ALDH1L2: variants seen among roughly 807,000 people sequenced by gnomAD.
ALDH1L2 encodes aldehyde dehydrogenase 1 family member L2.
Under a neutral mutation model 111.0 loss-of-function variants are expected in ALDH1L2, and 91 were observed. The ratio of observed to expected loss-of-function variants is 0.82; its 90% CI spans 0.69 to 0.98. The LOEUF is 0.98. Among genes scored for constraint, ALDH1L2 ranks in the 50% least tolerant of loss-of-function variants. ALDH1L2 has a pLI of 0.00. For synonymous variants in ALDH1L2, 374 were observed against 392.6 expected (o/e 0.95, Z 0.56); for missense variants, 995 against 1,126.8 (o/e 0.88, Z 1.67).
chr12:105,046,211 ATATATATATATTTTTTT>A (rs1875877795), intron 15 of ALDH1L2, among the ~76,000 whole-genome samples: 2 of 50,862 alleles, frequency 3.9e-5, no homozygotes, highest in East Asian at 1.1e-3. Flanking sequence ...ATATATATAT[ATATATATATATTTTTTT>A]TTTTTTTTTT....
intron 1 of ALDH1L2, among the ~76,000 whole-genome samples, chr12:105,083,686 C>T (rs1878440224): frequency 1.3e-5 from 2 of 152,024 alleles, no homozygotes; most frequent in Middle Eastern, 3.2e-3. Flanking sequence ...CTGAAGGCAG[C>T]ACCGCAGTGC....
chr12:105,065,238 G>C (rs1269600787), intron 6 of ALDH1L2, 29 bp downstream of exon 6: 1 of 1,197,076 alleles, frequency 8.4e-7, no homozygotes, highest in Admixed American at 2.1e-5. Flanking sequence ...TCGGGGAGGG[G>C]GGTGGGGGGA....
chr12:105,028,840 A>C (rs971796239), intron 21 of ALDH1L2, among the ~76,000 whole-genome samples: 1 of 152,200 alleles, frequency 6.6e-6, no homozygotes, highest in South Asian at 2.1e-4. Context: ...AGAATGACCT[A>C]AGGAGGTACA....
At chr12:105,068,133 A>G (rs1467740868) in intron 4 of ALDH1L2, among the ~76,000 whole-genome samples, 1 of 152,168 alleles carries the variant, frequency 6.6e-6, no homozygotes, top group Non-Finnish European at 1.5e-5. Flanking sequence ...AATGGCTACT[A>G]CTGTATATAA....
At chr12:105,084,073 GTCC>G (rs1878463982) in intron 1 of ALDH1L2, among the ~76,000 whole-genome samples, 1 of 152,088 alleles carries the variant, frequency 6.6e-6, no homozygotes, top group Non-Finnish European at 1.5e-5. Flanking sequence ...AGCAGACTCT[GTCC>G]TCCTTACCAA....
chr12:105,062,594 G>T (rs1027803531), intron 7 of ALDH1L2, among the ~76,000 whole-genome samples: 1 of 152,194 alleles, frequency 6.6e-6, no homozygotes, highest in African/African-American at 2.4e-5. Context: ...TCTCCTCTCT[G>T]TTATAAAGAT....
chr12:105,066,606 C>A lies in ALDH1L2; in HGVS notation c.658G>T (p.Ala220Ser), dbSNP rs749632765. Residue 220 changes from alanine (A) to serine (S), a missense_variant, in exon 5 of 23, where the codon GCA becomes TCA. Physicochemically the swap from Ala to Ser is moderately conservative, Grantham distance 99. Transcript: ENST00000258494. ...TTTTTCTGGATACCTTCATATGTTGCCCCTTCTTCTGGCTGGGGTATACGA... is the reference window on the plus strand; with the variant it reads ...TTTTTCTGGATACCTTCATATGTTGACCCTTCTTCTGGCTGGGGTATACGA... ...APRIPQPEEG[A>S]TYEGIQKKEN... The A allele has an allele frequency of 1.9e-6, 3 of 1,614,098 alleles. No individual in the cohort carries two copies. In the South Asian group the frequency reaches 3.3e-5, roughly 18 times the overall value.
chr12:105,073,337 C>T (rs1276510341), intron 2 of ALDH1L2, among the ~76,000 whole-genome samples: 3 of 152,202 alleles, frequency 2.0e-5, no homozygotes, highest in Non-Finnish European at 4.4e-5. Flanking sequence ...CATATAGTTA[C>T]TCTATAAGTG....
At chr12:105,083,661 G>A (rs1878436944) in intron 1 of ALDH1L2, among the ~76,000 whole-genome samples, 1 of 150,510 alleles carries the variant, frequency 6.6e-6, no homozygotes, top group South Asian at 2.1e-4. Context: ...AAACAGTCCC[G>A]AGGCCCCCTG....
At chr12:105,046,210 TATATATATATA>T (rs1364526463) in intron 15 of ALDH1L2, among the ~76,000 whole-genome samples, 80 of 69,332 alleles carry the variant, frequency 1.2e-3, no homozygotes, top group East Asian at 7.3e-3. Context: ...TATATATATA[TATATATATATA>T]TTTTTTTTTT....
In ALDH1L2 at chr12:105,019,892, A is replaced by G. The variant is rs1198759453; in HGVS notation, c.*4532T>C. The G allele has an allele frequency of 6.6e-6, 1 of 152,240 alleles. No homozygotes were observed. The highest frequency in any genetic ancestry group is 2.4e-5 in the African/African-American group (1 of 41,466). The allele number at this position is 152,240 out of a possible 1,614,324, so 9.4% of individuals were successfully genotyped here. On this transcript the variant is annotated 3_prime_UTR_variant, in exon 23 of 23. Coordinates refer to ENST00000258494, the MANE Select transcript of ALDH1L2 (RefSeq NM_001034173.4). ...AGTATTATGTTAATTATGTAAAAAA[A>G]GTATACATATTCATAGAAAAAGTTT...
In ALDH1L2 at chr12:105,046,825, A is replaced by T. The variant is rs1327867128; in HGVS notation, c.1758-10T>A. 6.2e-7 allele frequency: 1 copy of T among 1,613,606 alleles called. No homozygotes were observed. The highest frequency in any genetic ancestry group is 1.1e-5 in the South Asian group (1 of 91,058). ...AATAATGGCACAGACACTGCAGGGG[A>T]AGAAATTCGACATGCTTAGTTGTTT... On this transcript the variant is annotated splice_polypyrimidine_tract_variant and intron_variant, in intron 14 of 22. Transcript: ENST00000258494.
chr12:105,032,496 C>A (rs1263536751), intron 19 of ALDH1L2, among the ~76,000 whole-genome samples: 1 of 152,120 alleles, frequency 6.6e-6, no homozygotes, highest in African/African-American at 2.4e-5. Flanking sequence ...GCATCAGCCT[C>A]CCAAAGTGCT....
Position 105,052,906 on chromosome 12 carries a change from A to G in ALDH1L2, c.1313T>C (p.Met438Thr), listed in dbSNP as rs1451084485. Residue 438 changes from methionine to threonine, a missense_variant, in exon 11 of 23, where the codon ATG becomes ACG. Transcript: ENST00000258494. The part of the protein sequence containing the change: ...DYISKEVNEI[M>T]VKMPYQCFIN... ...GAAACACTGGTATGGCATTTTTACC[A>G]TGATTTCATTGACCTCCTTTGAAAT... 9 of 1,613,856 alleles carry G rather than the reference A, an allele frequency of 5.6e-6. No homozygotes were observed. Among genetic ancestry groups the G allele is most frequent in the South Asian group, 1.1e-5 (1 of 91,076 alleles).
chr12:105,054,773 C>T (rs564721996), intron 10 of ALDH1L2, among the ~76,000 whole-genome samples: 2 of 32,802 alleles, frequency 6.1e-5, no homozygotes, highest in African/African-American at 6.9e-4. Context: ...CAGCCTCAAA[C>T]TCCTGGACTC....
rs763059079 is a variant in ALDH1L2, at chr12:105,061,660, T to G, written c.1014A>C (p.Thr338=). 3.1e-6 allele frequency: 5 copies of G among 1,614,104 alleles called. No homozygotes were observed. The highest frequency in any genetic ancestry group is 1.3e-5 in the African/African-American group (1 of 74,942). Residue 338 remains threonine, a synonymous_variant, in exon 8 of 23, where the codon ACA becomes ACC. Coordinates refer to ENST00000258494, the MANE Select transcript of ALDH1L2 (RefSeq NM_001034173.4). ...STGETSVVEL[T]AEEVKVAETI... is the part of the protein sequence containing the mutation. ...TCTCTGCCACTTTCACCTCTTCAGC[T>G]GTCAGTTCTACCACTGACGTCTCAC...
At chr12:105,031,969 C>T in intron 19 of ALDH1L2, 35 bp from the exon 20 acceptor site, 3 of 1,603,936 alleles carry the variant, frequency 1.9e-6, no homozygotes, top group African/African-American at 1.3e-5. Flanking sequence ...ACACAATTCA[C>T]TGTTAATAAT....
chr12:105,042,855 A>G (rs1875621840), intron 15 of ALDH1L2, among the ~76,000 whole-genome samples: 1 of 146,926 alleles, frequency 6.8e-6, no homozygotes, highest in African/African-American at 2.5e-5. Flanking sequence ...TATTATAGCA[A>G]TGCAAATCTC....
At chr12:105,032,294 C>T (rs779815380) in intron 19 of ALDH1L2, among the ~76,000 whole-genome samples, 2 of 150,964 alleles carry the variant, frequency 1.3e-5, no homozygotes, top group Non-Finnish European at 2.9e-5. Context: ...TCTCATGTCT[C>T]AGCCTCCTGA....
Sources: allele counts gnomAD v4.1 joint callset (sites outside exome capture counted in the v4.1 genomes callset), GRCh38; gene constraint gnomAD v4.1.1; transcripts MANE v1.5; gene names NCBI Gene and HGNC (gene_info 2026-07-23, HGNC 2026-07-21).